Variants in EBF1 observed in about 807,000 individuals in gnomAD.
EBF1 encodes the protein transcription factor COE1.
Under a neutral mutation model 68.4 loss-of-function variants are expected in EBF1, and 10 were observed. The observed-to-expected ratio is 0.15, with a 90% CI of 0.09 to 0.25. The LOEUF (loss-of-function observed/expected upper bound fraction) is 0.25. Ranked by LOEUF, EBF1 falls within the 10% of genes least tolerant of loss-of-function variation. The pLI is 1.00. For missense variants in EBF1, 509 were observed against 794.4 expected, an observed-to-expected ratio of 0.64 and a Z score of 4.32; for synonymous variants, 298 against 299.8, an observed-to-expected ratio of 0.99 and a Z score of 0.06.
intron 9 of EBF1, among the ~76,000 whole-genome samples, chr5:158,779,222 G>A (rs1257669060): frequency 1.3e-5 from 2 of 151,874 alleles, no homozygotes; most frequent in Admixed American, 1.3e-4. Flanking sequence ...AACAATGACT[G>A]TATTTTTATC....
intron 10 of EBF1, among the ~76,000 whole-genome samples, chr5:158,762,929 C>T (rs1304069296): frequency 3.3e-5 from 5 of 152,142 alleles, no homozygotes; most frequent in African/African-American, 9.7e-5. Context: ...TTTCTGGACT[C>T]GTTCATTGTT....
chr5:158,748,850 G>T (rs1768155204), intron 10 of EBF1, among the ~76,000 whole-genome samples: 1 of 152,152 alleles, frequency 6.6e-6, no homozygotes, highest in Admixed American at 6.5e-5. Flanking sequence ...GGGAAGAGGA[G>T]GCTTGTAAAT....
intron 7 of EBF1, among the ~76,000 whole-genome samples, chr5:158,828,251 G>A (rs1310266579): frequency 6.6e-6 from 1 of 152,144 alleles, no homozygotes; most frequent in East Asian, 1.9e-4. Flanking sequence ...GTAACCAGGG[G>A]ATACATACTG....
intron 6 of EBF1, among the ~76,000 whole-genome samples, chr5:158,854,268 G>T (rs1793542955): frequency 6.6e-6 from 1 of 152,116 alleles, no homozygotes; most frequent in South Asian, 2.1e-4. Context: ...ACAAAACAAG[G>T]ACCCCTGTGG....
At chr5:158,699,218 A>C in intron 15 of EBF1, 76 bp from the exon 16 acceptor site, 1 of 1,468,964 alleles carries the variant, frequency 6.8e-7, no homozygotes, top group Non-Finnish European at 9.2e-7. Context: ...GAAGACTAAA[A>C]AAAAAAAAAC....
At position 158,833,281 on chromosome 5, in the gene EBF1, G is replaced by C. The variant is rs539789181; in HGVS notation, c.636+6748C>G. 2.8e-5 allele frequency among the ~76,000 whole-genome samples: 4 copies of C among 141,016 alleles called. No individual in the cohort carries two copies. The East Asian group carries it at 8.2e-4, about 29-fold the overall frequency. The allele number at this position is 141,016 out of a possible 152,430, so 92.5% of individuals were successfully genotyped here. A position where few individuals can be genotyped will look rare whatever the true frequency, so the allele number is the denominator to read the frequency against. On this transcript the variant is annotated intron_variant, in intron 7 of 15. Coordinates refer to ENST00000313708, the MANE Select transcript of EBF1 (RefSeq NM_024007.5). ...ACCACCACACTCCAGCCTGGCAACAGAGCCAGACTCCATCTCAAAAAAAAA... is the reference window on the plus strand; with the variant it reads ...ACCACCACACTCCAGCCTGGCAACACAGCCAGACTCCATCTCAAAAAAAAA...
At position 158,696,529 on chromosome 5, in the gene EBF1, G is replaced by C. The variant is rs995427863; in HGVS notation, c.*2582C>G. On this transcript the variant is annotated 3_prime_UTR_variant, in exon 16 of 16. Coordinates refer to ENST00000313708, the MANE Select transcript of EBF1 (RefSeq NM_024007.5). ...TAAGGGGCTCACCAGATAAAATATG[G>C]CTTTAACTTGTGTACATCTTCAGGC... is the stretch of plus-strand genomic sequence containing the variant. The C allele has an allele frequency of 4.5e-6, 1 of 224,602 alleles. No individual in the cohort carries two copies. Among genetic ancestry groups the C allele is most frequent in the Non-Finnish European group, 8.9e-6 (1 of 112,670 alleles). 13.9% of individuals were successfully genotyped at this position (224,602 alleles called of 1,614,324 possible). A position where few individuals can be genotyped will look rare whatever the true frequency, so the allele number is the denominator to read the frequency against.
At chr5:158,914,441 G>A (rs1237639404) in intron 6 of EBF1, among the ~76,000 whole-genome samples, 3 of 152,154 alleles carry the variant, frequency 2.0e-5, no homozygotes, top group Non-Finnish European at 4.4e-5. Context: ...ACCAGTTGAT[G>A]TTACAAGGCT....
At chr5:159,033,722 G>GTTTTA (rs1449062543) in intron 6 of EBF1, among the ~76,000 whole-genome samples, 1 of 152,138 alleles carries the variant, frequency 6.6e-6, no homozygotes, top group Non-Finnish European at 1.5e-5. Flanking sequence ...TTGCCCCAAA[G>GTTTTA]TTTACAAATG....
At chr5:158,828,580 G>A (rs1359271581) in intron 7 of EBF1, among the ~76,000 whole-genome samples, 1 of 152,154 alleles carries the variant, frequency 6.6e-6, no homozygotes, top group African/African-American at 2.4e-5. Context: ...ACAAGTACTA[G>A]TAAAACAAGG....
intron 6 of EBF1, among the ~76,000 whole-genome samples, chr5:158,924,657 A>C (rs1053782244): frequency 1.3e-5 from 2 of 151,906 alleles, no homozygotes; most frequent in East Asian, 1.9e-4. Flanking sequence ...TCGAGACCAT[A>C]CTGGCTAACA....
intron 5 of EBF1, among the ~76,000 whole-genome samples, chr5:159,075,379 C>T (rs958916061): frequency 2.6e-5 from 4 of 152,194 alleles, no homozygotes; most frequent in African/African-American, 4.8e-5. Context: ...TCGACAGAGC[C>T]CACGTCTCCT....
intron 6 of EBF1, among the ~76,000 whole-genome samples, chr5:158,911,430 T>G (rs1805948564): frequency 6.6e-6 from 1 of 152,026 alleles, no homozygotes; most frequent in African/African-American, 2.4e-5. Flanking sequence ...AAGAGACAAT[T>G]AACAAAAAAT....
Position 158,884,327 on chromosome 5 carries a change from G to C in EBF1, c.555-44217C>G, listed in dbSNP as rs191126104. ...TTATTCCTGACTCTAACAAGTACTTGATTATACCCTCTTTTGTAGATGAGA... is the reference window on the plus strand; with the variant it reads ...TTATTCCTGACTCTAACAAGTACTTCATTATACCCTCTTTTGTAGATGAGA... On this transcript the variant is annotated intron_variant, in intron 6 of 15. Transcript: ENST00000313708. 1.7e-3 allele frequency among the ~76,000 whole-genome samples: 252 copies of C among 152,304 alleles called. 1 individual carries two copies. The highest frequency in any genetic ancestry group is 5.6e-3 in the African/African-American group (233 of 41,570).
intron 11 of EBF1, among the ~76,000 whole-genome samples, chr5:158,728,071 T>A (rs1763353576): frequency 2.0e-5 from 3 of 152,174 alleles, no homozygotes. Flanking sequence ...CGCAGCCCAT[T>A]TTTATCTCCC....
At position 158,869,256 on chromosome 5, in the gene EBF1, G is replaced by A. The variant is rs563161798; in HGVS notation, c.555-29146C>T. ...CAGCTGAAAAGTGCTTTTCCCAGCA[G>A]AGAGGGCTTCACAAGGCGCAGTGAG... is the stretch of plus-strand genomic sequence containing the variant. On this transcript the variant is annotated intron_variant, in intron 6 of 15. Coordinates refer to ENST00000313708, the MANE Select transcript of EBF1 (RefSeq NM_024007.5). 4.6e-5 allele frequency among the ~76,000 whole-genome samples: 7 copies of A among 152,274 alleles called. No individual in the cohort carries two copies. The East Asian group carries it at 1.4e-3, about 29-fold the overall frequency.
At chr5:158,747,606 C>T (rs1381421622) in intron 10 of EBF1, among the ~76,000 whole-genome samples, 3 of 152,168 alleles carry the variant, frequency 2.0e-5, no homozygotes, top group African/African-American at 7.2e-5. Flanking sequence ...GTATCATGGA[C>T]CATGTCTACA....
chr5:158,958,978 A>G (rs182661138), intron 6 of EBF1, among the ~76,000 whole-genome samples: 2 of 152,234 alleles, frequency 1.3e-5, no homozygotes, highest in South Asian at 4.1e-4. Context: ...TCCCCAAGTC[A>G]TCTTGAACTG....
intron 10 of EBF1, among the ~76,000 whole-genome samples, chr5:158,756,817 C>T (rs1038186270): frequency 1.3e-5 from 2 of 151,736 alleles, no homozygotes; most frequent in Non-Finnish European, 2.9e-5. Flanking sequence ...GCATGTGCCA[C>T]GGTTTGTGTG....
Sources: allele counts gnomAD v4.1 joint callset (sites outside exome capture counted in the v4.1 genomes callset), GRCh38; gene constraint gnomAD v4.1.1; transcripts MANE v1.5; gene names NCBI Gene and HGNC (gene_info 2026-07-23, HGNC 2026-07-21).